The following PLCL1 variants were observed in gnomAD, a reference collection of about 807,000 sequenced individuals.
The protein encoded by PLCL1 is phospholipase C like 1 (inactive).
Under a neutral mutation model 84.4 loss-of-function variants are expected in PLCL1, and 41 were observed. The observed-to-expected ratio is 0.49, with a 90% CI of 0.38 to 0.63. PLCL1 has a LOEUF of 0.63. PLCL1 is among the 30% of genes least tolerant of loss of function. The pLI is 0.00. For synonymous variants in PLCL1, 490 were observed against 488.3 expected (o/e 1.00, Z -0.05); for missense variants, 1,206 against 1,367.8 (o/e 0.88, Z 1.87).
At chr2:197,858,094 G>A (rs775485053) in intron 1 of PLCL1, among the ~76,000 whole-genome samples, 1 of 152,154 alleles carries the variant, frequency 6.6e-6, no homozygotes, top group East Asian at 1.9e-4. Context: ...TGAAGTAGAG[G>A]TGTTTTCAAT....
chr2:198,017,739 A>G (rs753368251), intron 1 of PLCL1, among the ~76,000 whole-genome samples: 8 of 152,242 alleles, frequency 5.3e-5, no homozygotes, highest in Non-Finnish European at 8.8e-5. Flanking sequence ...CCAAAATGTT[A>G]AACTTTATTC....
At position 198,084,785 on chromosome 2, in the gene PLCL1, G is replaced by A. The variant is rs1192996031; in HGVS notation, c.1268G>A (p.Arg423Lys). 6.2e-7 allele frequency: 1 copy of A among 1,614,072 alleles called. No homozygotes were observed. The highest frequency in any genetic ancestry group is 1.7e-5 in the Admixed American group (1 of 60,006). The change falls in exon 2 of 6, where the codon AGG becomes AAG. Residue 423 changes from arginine to lysine, a missense_variant. Physicochemically the swap from Arg to Lys is conservative, Grantham distance 26. Transcript: ENST00000428675. Reference protein sequence around the residue: ...HNTYLIEDQFRGPADINGYIR... With the variant: ...HNTYLIEDQFKGPADINGYIR... ...ACCTATCTAATAGAAGACCAGTTCAGGGGGCCAGCTGACATCAATGGGTAC... is the reference window on the plus strand; with the variant it reads ...ACCTATCTAATAGAAGACCAGTTCAAGGGGCCAGCTGACATCAATGGGTAC...
chr2:198,110,909 GA>G (rs1216551074), intron 5 of PLCL1, among the ~76,000 whole-genome samples: 4 of 151,138 alleles, frequency 2.6e-5, no homozygotes, highest in South Asian at 2.1e-4. Context: ...TGAGTATTCA[GA>G]AAAAAAAGTA....
intron 1 of PLCL1, among the ~76,000 whole-genome samples, chr2:198,082,038 A>T (rs1172985756): frequency 6.6e-6 from 1 of 152,140 alleles, no homozygotes; most frequent in African/African-American, 2.4e-5. Flanking sequence ...CTTCTATATA[A>T]CACCCAATAT....
chr2:197,859,542 A>C (rs1477062014), intron 1 of PLCL1, among the ~76,000 whole-genome samples: 1 of 152,196 alleles, frequency 6.6e-6, no homozygotes, highest in Non-Finnish European at 1.5e-5. Flanking sequence ...ACCACATAAC[A>C]AAATTTGGCC....
intron 1 of PLCL1, among the ~76,000 whole-genome samples, chr2:197,839,168 T>C (rs1691248105): frequency 1.3e-5 from 2 of 152,310 alleles, no homozygotes; most frequent in South Asian, 4.1e-4. Flanking sequence ...AACATTTCAC[T>C]AACACAAGAT....
In PLCL1 at chr2:198,113,903, T is replaced by C. The variant is rs549806653; in HGVS notation, c.3105+9967T>C. ...TCTGCAGCGAAGTTTTATAACCATGTGTATCCATAAAATTCATTTAATAGC... is the reference window on the plus strand; with the variant it reads ...TCTGCAGCGAAGTTTTATAACCATGCGTATCCATAAAATTCATTTAATAGC... On this transcript the variant is annotated intron_variant, in intron 5 of 5. Coordinates refer to ENST00000428675, the MANE Select transcript of PLCL1 (RefSeq NM_006226.4). 1.6e-4 allele frequency among the ~76,000 whole-genome samples: 24 copies of C among 151,962 alleles called. No homozygotes were observed. In the South Asian group the frequency reaches 5.0e-3, roughly 32 times the overall value.
chr2:198,001,235 G>A (rs1381569272), intron 1 of PLCL1, among the ~76,000 whole-genome samples: 1 of 152,178 alleles, frequency 6.6e-6, no homozygotes, highest in Non-Finnish European at 1.5e-5. Flanking sequence ...ACAATGGTTG[G>A]AAAAGGGCAC....
intron 5 of PLCL1, among the ~76,000 whole-genome samples, chr2:198,121,737 C>G (rs111475945): frequency 0.021 from 3,142 of 152,096 alleles, 98 homozygotes; most frequent in African/African-American, 0.072. Flanking sequence ...AGAACCTGGC[C>G]TACTCTTTTA....
At chr2:198,098,317 A>G (rs746061672) in intron 3 of PLCL1, among the ~76,000 whole-genome samples, 1 of 152,220 alleles carries the variant, frequency 6.6e-6, no homozygotes, top group African/African-American at 2.4e-5. Context: ...CCTATGTTTC[A>G]TATGAAAAAA....
At chr2:198,135,277 G>A (rs183171813) in intron 5 of PLCL1, among the ~76,000 whole-genome samples, 3 of 152,242 alleles carry the variant, frequency 2.0e-5, no homozygotes, top group Non-Finnish European at 2.9e-5. Context: ...CTTTTAAACA[G>A]TGTTTGTTTA....
intron 1 of PLCL1, among the ~76,000 whole-genome samples, chr2:197,836,212 G>A (rs1370934468): frequency 2.0e-5 from 3 of 151,794 alleles, no homozygotes; most frequent in South Asian, 2.1e-4. Context: ...TTGGGAGGCC[G>A]AGGCGGGCGG....
At chr2:197,876,055 C>G (rs531787275) in intron 1 of PLCL1, among the ~76,000 whole-genome samples, 8 of 152,236 alleles carry the variant, frequency 5.3e-5, no homozygotes, top group African/African-American at 1.4e-4. Flanking sequence ...TTTCCATGAA[C>G]ACGAATAGGC....
intron 1 of PLCL1, among the ~76,000 whole-genome samples, chr2:197,937,936 G>T (rs1359078369): frequency 6.6e-6 from 1 of 152,132 alleles, no homozygotes; most frequent in Non-Finnish European, 1.5e-5. Context: ...GTATTAGTGT[G>T]GCTGTGCTCA....
At chr2:197,969,847 C>T (rs569764456) in intron 1 of PLCL1, among the ~76,000 whole-genome samples, 1 of 152,300 alleles carries the variant, frequency 6.6e-6, no homozygotes, top group East Asian at 1.9e-4. Context: ...GAGATGAAGT[C>T]TGAGTCCCTG....
intron 5 of PLCL1, among the ~76,000 whole-genome samples, chr2:198,142,503 G>A (rs911737293): frequency 2.0e-5 from 3 of 152,084 alleles, no homozygotes; most frequent in Non-Finnish European, 2.9e-5. Context: ...AATGCAGTTG[G>A]AAAGATTTAA....
At chr2:197,978,695 A>T (rs80064351) in intron 1 of PLCL1, among the ~76,000 whole-genome samples, 4,370 of 152,344 alleles carry the variant, frequency 0.029, 225 homozygotes, top group African/African-American at 0.099. Context: ...GTGAGTGATC[A>T]GAGCCTATTC....
intron 1 of PLCL1, among the ~76,000 whole-genome samples, chr2:198,077,515 C>T (rs1379423400): frequency 6.6e-6 from 1 of 152,112 alleles, no homozygotes; most frequent in Non-Finnish European, 1.5e-5. Flanking sequence ...TACCCCTCAG[C>T]TCTTCTTTTC....
intron 1 of PLCL1, among the ~76,000 whole-genome samples, chr2:197,896,913 A>G (rs1574937017): frequency 6.7e-6 from 1 of 149,516 alleles, no homozygotes; most frequent in Non-Finnish European, 1.5e-5. Context: ...CTGTCTTAAA[A>G]TTACCCTCTG....
Sources: gnomAD v4.1 joint callset for allele counts (sites outside exome capture counted in the v4.1 genomes callset) on GRCh38, gnomAD v4.1.1 for gene constraint, MANE v1.5 for transcripts, NCBI Gene and HGNC (gene_info 2026-07-23, HGNC 2026-07-21) for gene names.